The following NRXN1 variants were observed in gnomAD, a reference collection of about 807,000 sequenced individuals.
NRXN1 encodes the protein neurexin 1, also known as neurexin-1.
A neutral mutation model predicts 150.9 loss-of-function variants in NRXN1; 39 were observed. The observed-to-expected ratio is 0.26, with a 90% CI of 0.20 to 0.34. NRXN1 has a LOEUF of 0.34. Among genes scored for constraint, NRXN1 ranks in the 10% least tolerant of loss-of-function variants. The pLI, the probability that NRXN1 is intolerant of heterozygous loss-of-function variation, is 1.00. For missense variants in NRXN1, 1,815 were observed against 1,949.9 expected, an observed-to-expected ratio of 0.93 and a Z score of 1.30; for synonymous variants, 924 against 757.0, an observed-to-expected ratio of 1.22 and a Z score of -3.62.
chr2:50,468,345 T>C (rs1173561345), intron 16 of NRXN1, among the ~76,000 whole-genome samples: 1 of 151,656 alleles, frequency 6.6e-6, no homozygotes, highest in African/African-American at 2.4e-5. Context: ...TGCTGTATTT[T>C]ATTTTCATTA....
chr2:50,869,410 A>C (rs1677432232), intron 5 of NRXN1, among the ~76,000 whole-genome samples: 1 of 151,756 alleles, frequency 6.6e-6, no homozygotes, highest in Non-Finnish European at 1.5e-5. Context: ...AATTTGGAAG[A>C]AAATGACACA....
intron 17 of NRXN1, among the ~76,000 whole-genome samples, chr2:50,362,511 A>G (rs987832591): frequency 1.3e-5 from 2 of 152,174 alleles, no homozygotes; most frequent in African/African-American, 4.8e-5. Context: ...AAAGAGAATA[A>G]AGTACCTATG....
At chr2:50,654,937 T>G (rs1328880783) in intron 5 of NRXN1, among the ~76,000 whole-genome samples, 1 of 151,790 alleles carries the variant, frequency 6.6e-6, no homozygotes, top group African/African-American at 2.4e-5. Flanking sequence ...CATTTCACAC[T>G]CTCCAACCAA....
chr2:50,710,194 C>T lies in NRXN1; in HGVS notation c.833-86579G>A, dbSNP rs72887570. Among the ~76,000 whole-genome samples, 783 of 152,256 alleles carry T rather than the reference C, an allele frequency of 5.1e-3. 14 individuals are homozygous for T. The highest frequency in any genetic ancestry group is 0.018 in the African/African-American group (732 of 41,564). On this transcript the variant is annotated intron_variant, in intron 5 of 22. Transcript: ENST00000401669. ...TTACCACTGAAGGTAATTCAACTGT[C>T]GACCACACGCCAGGAAAGAACCTCT...
chr2:50,646,708 C>T (rs1324205396), intron 5 of NRXN1, among the ~76,000 whole-genome samples: 11 of 107,390 alleles, frequency 1.0e-4, no homozygotes, highest in Admixed American at 3.1e-4. Context: ...TTCATGTTGT[C>T]TTTTTTTTTT....
intron 5 of NRXN1, among the ~76,000 whole-genome samples, chr2:50,789,687 A>C (rs1189013152): frequency 6.6e-6 from 1 of 152,144 alleles, no homozygotes; most frequent in Non-Finnish European, 1.5e-5. Flanking sequence ...TCAAAGCCAA[A>C]ATGAGACAAT....
chr2:49,968,554 G>A (rs1397733658), intron 21 of NRXN1, among the ~76,000 whole-genome samples: 6 of 152,012 alleles, frequency 3.9e-5, no homozygotes, highest in African/African-American at 1.4e-4. Flanking sequence ...TGTCCGTAAT[G>A]CCATTTTAGA....
intron 5 of NRXN1, among the ~76,000 whole-genome samples, chr2:50,800,119 G>A (rs969946391): frequency 2.8e-4 from 43 of 152,156 alleles, no homozygotes; most frequent in Middle Eastern, 3.4e-3. Context: ...CAGGAATAAC[G>A]CACTGTTTTA....
At chr2:50,590,174 T>C (rs1248923449) in intron 8 of NRXN1, among the ~76,000 whole-genome samples, 1 of 152,186 alleles carries the variant, frequency 6.6e-6, no homozygotes, top group South Asian at 2.1e-4. Context: ...AAAAAATCAT[T>C]TACTTACATG....
At chr2:50,548,262 A>G (rs1024169910) in intron 9 of NRXN1, 1 of 152,184 alleles carries the variant, frequency 6.6e-6, no homozygotes, top group Non-Finnish European at 1.5e-5. Flanking sequence ...GAAGGGACAG[A>G]AGTCCTGTTC....
chr2:50,513,461 T>C (rs1424663016), intron 12 of NRXN1, among the ~76,000 whole-genome samples: 1 of 152,158 alleles, frequency 6.6e-6, no homozygotes, highest in African/African-American at 2.4e-5. Context: ...GTATTTGTGT[T>C]TGGTTATTTA....
At chr2:51,008,963 G>C (rs1259072100) in intron 2 of NRXN1, among the ~76,000 whole-genome samples, 1 of 151,712 alleles carries the variant, frequency 6.6e-6, no homozygotes. Flanking sequence ...CTGAGCTGTA[G>C]AGTCAATGAA....
At chr2:50,666,878 G>GTGT (rs1559097612) in intron 5 of NRXN1, among the ~76,000 whole-genome samples, 22,527 of 127,616 alleles carry the variant, frequency 0.18, 1,906 homozygotes, top group Middle Eastern at 0.24. Flanking sequence ...TGATGATGAT[G>GTGT]ATGTGTGTGT....
At chr2:50,196,124 C>A (rs1041707776) in intron 18 of NRXN1, among the ~76,000 whole-genome samples, 1 of 151,706 alleles carries the variant, frequency 6.6e-6, no homozygotes, top group African/African-American at 2.4e-5. Flanking sequence ...GTCTCCCTAC[C>A]CCTGACCACC....
At position 50,538,498 on chromosome 2, in the gene NRXN1, G is replaced by C. The variant is rs1558902523; in HGVS notation, c.1898C>G (p.Thr633Ser). Residue 633 changes from threonine (T) to serine (S), a missense_variant, in exon 10 of 23, where the codon ACT becomes AGT. Physicochemically the swap from Thr to Ser is moderately conservative, Grantham distance 58 (BLOSUM62 1). This residue lies in a region of NRXN1 where 638 missense variants were observed against 652.6 expected (regional missense o/e 0.98). Transcript: ENST00000401669. Reference protein sequence around the residue: ...AGLVFPTEVWTALLNYGYVGC... With the variant: ...AGLVFPTEVWSALLNYGYVGC... ...CACGTAGCCATAGTTGAGCAGAGCAGTCCACACCTCGGTGGGGAAGACAAG... is the reference window on the plus strand; with the variant it reads ...CACGTAGCCATAGTTGAGCAGAGCACTCCACACCTCGGTGGGGAAGACAAG... 1 of 1,610,868 alleles carries C rather than the reference G, an allele frequency of 6.2e-7. No homozygotes were observed. The highest frequency in any genetic ancestry group is 8.5e-7 in the Non-Finnish European group (1 of 1,177,466).
intron 5 of NRXN1, among the ~76,000 whole-genome samples, chr2:50,669,684 C>T (rs1688561689): frequency 6.6e-6 from 1 of 151,634 alleles, no homozygotes; most frequent in Admixed American, 6.6e-5. Context: ...TTGTCATAAT[C>T]ACATCCCAGA....
intron 9 of NRXN1, among the ~76,000 whole-genome samples, chr2:50,545,421 C>T (rs373379483): frequency 1.2e-4 from 19 of 152,026 alleles, no homozygotes; most frequent in Non-Finnish European, 1.8e-4. Context: ...TCACTAGGTC[C>T]GCGTGTGGTC....
At chr2:50,725,288 A>C (rs1269037109) in intron 5 of NRXN1, among the ~76,000 whole-genome samples, 2 of 152,002 alleles carry the variant, frequency 1.3e-5, no homozygotes, top group Non-Finnish European at 2.9e-5. Context: ...TGATAGAAGA[A>C]AAATATGTTT....
At chr2:50,229,645 G>C (rs966730835) in intron 18 of NRXN1, among the ~76,000 whole-genome samples, 26 of 151,980 alleles carry the variant, frequency 1.7e-4, no homozygotes, top group African/African-American at 6.3e-4. Flanking sequence ...GAATAACTAA[G>C]ATGCTCCTGG....
Sources: allele counts gnomAD v4.1 joint callset (sites outside exome capture counted in the v4.1 genomes callset), GRCh38; gene constraint gnomAD v4.1.1; regional missense constraint gnomAD v4.1.1; transcripts MANE v1.5; gene names NCBI Gene and HGNC (gene_info 2026-07-23, HGNC 2026-07-21).